Variants in CNTN6 observed in about 807,000 individuals in gnomAD.
CNTN6 encodes contactin-6.
Under a neutral mutation model 122.8 loss-of-function variants are expected in CNTN6, and 137 were observed. The ratio of observed to expected loss-of-function variants is 1.12; its 90% confidence interval spans 0.97 to 1.29. The LOEUF (loss-of-function observed/expected upper bound fraction) is 1.29. Among genes scored for constraint, CNTN6 ranks in the 50% most tolerant of loss-of-function variants. The pLI is 0.00. For synonymous variants in CNTN6, 570 were observed against 426.0 expected, an observed-to-expected ratio of 1.34 and a Z score of -4.16; for missense variants, 1,634 against 1,223.4, an observed-to-expected ratio of 1.34 and a Z score of -5.01.
chr3:1,185,548 T>C (rs1396113198), intron 2 of CNTN6, among the ~76,000 whole-genome samples: 2 of 152,208 alleles, frequency 1.3e-5, no homozygotes, highest in Non-Finnish European at 2.9e-5. Context: ...CTGAATGTGC[T>C]AATCTATGTG....
intron 2 of CNTN6, among the ~76,000 whole-genome samples, chr3:1,161,825 G>A (rs2093141206): frequency 6.7e-6 from 1 of 150,024 alleles, no homozygotes; most frequent in East Asian, 1.9e-4. Flanking sequence ...TTCTGTACAT[G>A]TATATGTGTG....
intron 2 of CNTN6, among the ~76,000 whole-genome samples, chr3:1,192,617 A>C (rs2093718277): frequency 6.6e-6 from 1 of 152,194 alleles, no homozygotes; most frequent in South Asian, 2.1e-4. Flanking sequence ...CTAAGTCCAA[A>C]ATTATTTATA....
At chr3:1,093,632 G>A (rs2090359086) in intron 1 of CNTN6, among the ~76,000 whole-genome samples, 1 of 152,026 alleles carries the variant, frequency 6.6e-6, no homozygotes, top group South Asian at 2.1e-4. Flanking sequence ...TTTGGTAAGG[G>A]GAGCAAAGCA....
chr3:1,311,257 G>GTA (rs1378175228), intron 7 of CNTN6, among the ~76,000 whole-genome samples: 1 of 143,326 alleles, frequency 7.0e-6, no homozygotes, highest in Non-Finnish European at 1.5e-5. Context: ...ATATATATTT[G>GTA]TATATGTGTA....
intron 1 of CNTN6, among the ~76,000 whole-genome samples, chr3:1,145,066 T>C (rs1258734391): frequency 6.6e-6 from 1 of 152,136 alleles, no homozygotes; most frequent in African/African-American, 2.4e-5. Flanking sequence ...CCCAGGATTA[T>C]TAAAGCCTAA....
intron 1 of CNTN6, among the ~76,000 whole-genome samples, chr3:1,100,680 G>A (rs901412895): frequency 1.3e-5 from 2 of 151,846 alleles, no homozygotes; most frequent in African/African-American, 4.8e-5. Context: ...ATTTTCTAGT[G>A]TTGCAGTCAG....
intron 7 of CNTN6, among the ~76,000 whole-genome samples, chr3:1,301,964 G>T (rs551897): frequency 0.059 from 9,028 of 152,108 alleles, 936 homozygotes; most frequent in African/African-American, 0.21. Flanking sequence ...AAATGCCTTT[G>T]AGTCCATTAT....
rs143242764 is a variant in CNTN6, at chr3:1,267,105, C to CT, written c.359-11306dup. ...TAATTTTTTGGATAGCCTGAACTTT[C>CT]TTGTTACCTACCACCTGCTAAGACT... On this transcript the variant is annotated intron_variant, in intron 4 of 22. Transcript: ENST00000446702. 4.1e-3 allele frequency among the ~76,000 whole-genome samples: 625 copies of CT among 151,964 alleles called. 16 individuals carry two copies. Among genetic ancestry groups the CT allele is most frequent in the Admixed American group, 0.035 (541 of 15,246 alleles).
intron 2 of CNTN6, among the ~76,000 whole-genome samples, chr3:1,210,351 G>A (rs996423092): frequency 2.6e-5 from 4 of 151,458 alleles, no homozygotes; most frequent in Non-Finnish European, 5.9e-5. Flanking sequence ...AGATAAATAC[G>A]TGTGGTAAGG....
chr3:1,173,277 T>G (rs2125305117), intron 2 of CNTN6: 1 of 456,684 alleles, frequency 2.2e-6, no homozygotes, highest in Admixed American at 2.3e-5. Context: ...AATCTACCTC[T>G]TATGCTAAGT....
chr3:1,133,223 C>G (rs1406578939), intron 1 of CNTN6, among the ~76,000 whole-genome samples: 1 of 152,068 alleles, frequency 6.6e-6, no homozygotes, highest in Admixed American at 6.6e-5. Flanking sequence ...GTCATCGAAT[C>G]TTGACAATGA....
chr3:1,227,905 C>T lies in CNTN6; in HGVS notation c.270C>T (p.His90=). The T allele has an allele frequency of 6.2e-7, 1 of 1,614,022 alleles. No homozygotes were observed. Among genetic ancestry groups the T allele is most frequent in the Non-Finnish European group, 8.5e-7 (1 of 1,179,954 alleles). ...DGGSLAINSP[H]TDQDIGMYQC... is the part of the protein sequence containing the mutation. ...GCAGTCTTGCAATCAATAGCCCCCA[C>T]ACAGATCAAGATATTGGCATGTACC... Residue 90 remains histidine (H), a synonymous_variant, in exon 4 of 23, where the codon CAC becomes CAT. Coordinates refer to ENST00000446702, the MANE Select transcript of CNTN6 (RefSeq NM_001289080.2).
At chr3:1,323,153 C>T (rs1263848113) in intron 8 of CNTN6, among the ~76,000 whole-genome samples, 1 of 151,668 alleles carries the variant, frequency 6.6e-6, no homozygotes, top group South Asian at 2.1e-4. Flanking sequence ...AGCAATTTTA[C>T]AAACATTCAC....
At chr3:1,159,601 G>A (rs910650538) in intron 2 of CNTN6, among the ~76,000 whole-genome samples, 1 of 151,350 alleles carries the variant, frequency 6.6e-6, no homozygotes, top group South Asian at 2.1e-4. Context: ...CAAATATACT[G>A]TCATTAATTT....
At chr3:1,161,986 TA>T (rs1026880703) in intron 2 of CNTN6, among the ~76,000 whole-genome samples, 192 of 151,534 alleles carry the variant, frequency 1.3e-3, no homozygotes, top group African/African-American at 4.4e-3. Context: ...TGGACTCAGT[TA>T]AAAAAAAATC....
At chr3:1,397,673 T>G (rs1354730769) in intron 20 of CNTN6, among the ~76,000 whole-genome samples, 1 of 152,128 alleles carries the variant, frequency 6.6e-6, no homozygotes, top group Non-Finnish European at 1.5e-5. Flanking sequence ...AAAGAAGTAT[T>G]CAGACGCAAT....
In CNTN6 at chr3:1,331,356, A is replaced by C. The variant is rs191782472; in HGVS notation, c.1364+1421A>C. 2.0e-5 allele frequency among the ~76,000 whole-genome samples: 3 copies of C among 152,130 alleles called. No homozygotes were observed. The East Asian group carries it at 5.8e-4, about 30-fold the overall frequency. On this transcript the variant is annotated intron_variant, in intron 11 of 22. Coordinates refer to ENST00000446702, the MANE Select transcript of CNTN6 (RefSeq NM_001289080.2). ...CTGTGGAATAAATGAATGAATCAAA[A>C]AGGGTGAACATGTAAAGCGTTACCA...
chr3:1,392,308 G>T (rs1394739683), intron 20 of CNTN6, among the ~76,000 whole-genome samples: 1 of 152,194 alleles, frequency 6.6e-6, no homozygotes, highest in African/African-American at 2.4e-5. Flanking sequence ...AATGGGGAAA[G>T]GATTCCCTAT....
At chr3:1,368,630 C>A (rs1575897689) in intron 12 of CNTN6, among the ~76,000 whole-genome samples, 1 of 152,008 alleles carries the variant, frequency 6.6e-6, no homozygotes, top group Non-Finnish European at 1.5e-5. Flanking sequence ...AATATAAATT[C>A]TGTTGATCTA....
Sources: gnomAD v4.1 joint callset for allele counts (sites outside exome capture counted in the v4.1 genomes callset) on GRCh38, gnomAD v4.1.1 for gene constraint, MANE v1.5 for transcripts, NCBI Gene and HGNC (gene_info 2026-07-23, HGNC 2026-07-21) for gene names.